Variants in ADARB1 observed in about 807,000 individuals in gnomAD.
ADARB1 encodes double-stranded RNA-specific editase 1.
Under a neutral mutation model 52.4 loss-of-function variants are expected in ADARB1, and 10 were observed. The ratio of observed to expected loss-of-function variants is 0.19; its 90% CI spans 0.12 to 0.32. The LOEUF is 0.32. Ranked by LOEUF, ADARB1 falls within the 10% of genes least tolerant of loss-of-function variation. ADARB1 has a pLI of 1.00. For missense variants in ADARB1, 643 were observed against 922.3 expected (o/e 0.70, Z 3.92); for synonymous variants, 349 against 371.1 (o/e 0.94, Z 0.68).
At chr21:45,203,469 G>A (rs1263615081) in intron 8 of ADARB1, among the ~76,000 whole-genome samples, 1 of 152,066 alleles carries the variant, frequency 6.6e-6, no homozygotes, top group African/African-American at 2.4e-5. Context: ...CTCCCCCCAG[G>A]TACTTCACAC....
chr21:45,224,929 A>G lies in ADARB1; in HGVS notation c.*2732A>G, dbSNP rs2093037864. The G allele has an allele frequency of 3.1e-6, 3 of 983,410 alleles. No individual in the cohort carries two copies. The highest frequency in any genetic ancestry group is 3.6e-6 in the Non-Finnish European group (3 of 829,748). The allele number at this position is 983,410 out of a possible 1,614,324, so 60.9% of individuals were successfully genotyped here. ...CTTTTAGACTATAGCTGTTTCATTG[A>G]CGTGTCACTCTCCATCCAGTGTCCT... On this transcript the variant is annotated 3_prime_UTR_variant, in exon 11 of 11. Transcript: ENST00000348831.
chr21:45,111,561 T>A (rs2087537254), intron 1 of ADARB1, among the ~76,000 whole-genome samples: 1 of 152,238 alleles, frequency 6.6e-6, no homozygotes, highest in Non-Finnish European at 1.5e-5. Context: ...GATCCATCCT[T>A]ACAGTATGCA....
At chr21:45,158,842 C>T (rs568659272) in intron 2 of ADARB1, among the ~76,000 whole-genome samples, 20 of 152,206 alleles carry the variant, frequency 1.3e-4, no homozygotes, top group Admixed American at 7.2e-4. Context: ...TTTCGGTTGA[C>T]GGTGGTTGCA....
At chr21:45,106,346 A>G (rs2087258507) in intron 1 of ADARB1, among the ~76,000 whole-genome samples, 2 of 152,202 alleles carry the variant, frequency 1.3e-5, no homozygotes, top group African/African-American at 4.8e-5. Flanking sequence ...TACAGATATC[A>G]TCTGTCACTT....
At chr21:45,153,829 C>T (rs1459447010) in intron 2 of ADARB1, among the ~76,000 whole-genome samples, 1 of 152,152 alleles carries the variant, frequency 6.6e-6, no homozygotes, top group African/African-American at 2.4e-5. Context: ...CCAGTCTGTG[C>T]GGCCCCCTCT....
At chr21:45,188,029 G>C (rs2092165625) in intron 8 of ADARB1, among the ~76,000 whole-genome samples, 1 of 151,846 alleles carries the variant, frequency 6.6e-6, no homozygotes, top group Admixed American at 6.6e-5. Flanking sequence ...GTTCTCTTTA[G>C]TTTTTTTGGG....
At chr21:45,108,985 C>G (rs1214816018) in intron 1 of ADARB1, among the ~76,000 whole-genome samples, 1 of 152,216 alleles carries the variant, frequency 6.6e-6, no homozygotes, top group African/African-American at 2.4e-5. Context: ...ATTGCTAGGA[C>G]TCTACTTTTG....
At chr21:45,127,150 G>A (rs746587287) in intron 1 of ADARB1, among the ~76,000 whole-genome samples, 5 of 152,168 alleles carry the variant, frequency 3.3e-5, no homozygotes, top group Non-Finnish European at 5.9e-5. Flanking sequence ...CACTGGGGAG[G>A]GGCTGTGGTG....
chr21:45,155,778 TCCAC>T (rs59337202), intron 2 of ADARB1, among the ~76,000 whole-genome samples: 45,381 of 79,250 alleles, frequency 0.57, 12,125 homozygotes, highest in Middle Eastern at 0.66. Context: ...CATCCATCCA[TCCAC>T]CCACCCACCC....
Position 45,223,366 on chromosome 21 carries a change from G to A in ADARB1, c.*1169G>A, listed in dbSNP as rs954613803. 49 of 985,588 alleles carry A rather than the reference G, an allele frequency of 5.0e-5. No homozygotes were observed. The highest frequency in any genetic ancestry group is 3.8e-4 in the African/African-American group (22 of 57,372). The allele number at this position is 985,588 out of a possible 1,614,324, so 61.1% of individuals were successfully genotyped here. On this transcript the variant is annotated 3_prime_UTR_variant, in exon 11 of 11. Coordinates refer to ENST00000348831, the MANE Select transcript of ADARB1 (RefSeq NM_001112.4). Reference sequence around the variant, plus strand: ...TGACGGGAGCTCAGGGCTGCCCAGCGCCCAGCGTGCACGGGACGGCCCCAC... The same window carrying A: ...TGACGGGAGCTCAGGGCTGCCCAGCACCCAGCGTGCACGGGACGGCCCCAC...
At chr21:45,175,069 C>G (rs2091640226) in intron 3 of ADARB1, among the ~76,000 whole-genome samples, 1 of 152,096 alleles carries the variant, frequency 6.6e-6, no homozygotes, top group Non-Finnish European at 1.5e-5. Context: ...TAAAACCATA[C>G]CCTCCTAAAC....
intron 1 of ADARB1, among the ~76,000 whole-genome samples, chr21:45,086,131 T>C (rs2086334097): frequency 1.3e-5 from 2 of 152,214 alleles, no homozygotes; most frequent in Admixed American, 6.5e-5. Context: ...AGGGCGGTGC[T>C]GTTGGACAGA....
chr21:45,176,306 C>A lies in ADARB1; in HGVS notation c.605C>A (p.Ser202Tyr). The change falls in exon 4 of 11, where the codon TCC (serine) becomes TAC (tyrosine). Residue 202 changes from serine (S) to tyrosine (Y), a missense_variant. Physicochemically the swap from Ser to Tyr is moderately radical, Grantham distance 144 (BLOSUM62 -2). Transcript: ENST00000348831. The surrounding 1 kb of genome is among the most constrained non-coding windows in gnomAD (Gnocchi z 5.8). ...TCCAATGGGGATGACTCCTTCAGTT[C>A]CAGCGGGGACCTCAGCTTGTCTGCT... ...VGSNGDDSFS[S>Y]SGDLSLSASP... 1 of 1,614,110 alleles carries A rather than the reference C, an allele frequency of 6.2e-7. No homozygotes were observed. Among genetic ancestry groups the A allele is most frequent in the East Asian group, 2.2e-5 (1 of 44,880 alleles).
chr21:45,083,863 G>C (rs1434127707), intron 1 of ADARB1, among the ~76,000 whole-genome samples: 1 of 152,110 alleles, frequency 6.6e-6, no homozygotes, highest in Non-Finnish European at 1.5e-5. Flanking sequence ...ACCACACCCG[G>C]CTAATTTTTG....
rs112929021 is a variant in ADARB1 at position 45,142,971 on chromosome 21, A to G, written c.-48+14398A>G. On this transcript the variant is annotated intron_variant, in intron 2 of 10. Coordinates refer to ENST00000348831, the MANE Select transcript of ADARB1 (RefSeq NM_001112.4). The surrounding 1 kb of genome is among the most constrained non-coding windows in gnomAD (Gnocchi z 4.0). ...TCCACCCACAAAGGCCAAAGCTCCA[A>G]TGGCATCTGCGATGCTTGTAAAACA... 1.3e-3 allele frequency among the ~76,000 whole-genome samples: 198 copies of G among 152,314 alleles called. 1 individual carries two copies. Among genetic ancestry groups the G allele is most frequent in the African/African-American group, 4.5e-3 (188 of 41,578 alleles).
chr21:45,177,792 T>C (rs749936346), intron 4 of ADARB1, among the ~76,000 whole-genome samples: 11 of 152,210 alleles, frequency 7.2e-5, no homozygotes, highest in Non-Finnish European at 8.8e-5. Context: ...CCAGGAGTTC[T>C]GTTTTAAAGG....
intron 2 of ADARB1, among the ~76,000 whole-genome samples, chr21:45,151,958 G>A (rs931632714): frequency 6.6e-6 from 1 of 152,210 alleles, no homozygotes; most frequent in Non-Finnish European, 1.5e-5. Context: ...CTGCTCTGCA[G>A]TAATGAACAA....
At chr21:45,107,206 G>A (rs1334879000) in intron 1 of ADARB1, among the ~76,000 whole-genome samples, 1 of 152,170 alleles carries the variant, frequency 6.6e-6, no homozygotes, top group Admixed American at 6.5e-5. Flanking sequence ...ACAATAAGTT[G>A]AGAAAGACAC....
intron 1 of ADARB1, among the ~76,000 whole-genome samples, chr21:45,085,591 C>G (rs1044659378): frequency 1.3e-5 from 2 of 152,144 alleles, no homozygotes; most frequent in African/African-American, 4.8e-5. Context: ...CCTTTACATA[C>G]TATGTATGTA....
Sources: allele counts gnomAD v4.1 joint callset (sites outside exome capture counted in the v4.1 genomes callset), GRCh38; gene constraint gnomAD v4.1.1; non-coding constraint Gnocchi (gnomAD v3.1); transcripts MANE v1.5; gene names NCBI Gene and HGNC (gene_info 2026-07-23, HGNC 2026-07-21).